Variants in ADCY9 observed in about 807,000 individuals in gnomAD.
The protein encoded by ADCY9 is adenylate cyclase type 9.
ADCY9 carries 50 observed loss-of-function variants against 101.5 expected under a neutral mutation model. That is an observed-to-expected ratio of 0.49 (90% CI 0.39 to 0.62). The LOEUF (loss-of-function observed/expected upper bound fraction) is 0.62. Among genes scored for constraint, ADCY9 ranks in the 20% least tolerant of loss-of-function variants. ADCY9 has a pLI of 0.00. For missense variants in ADCY9, 1,662 were observed against 1,800.4 expected (o/e 0.92, Z 1.39); for synonymous variants, 905 against 769.3 (o/e 1.18, Z -2.92).
intron 6 of ADCY9, 87 bp from the exon 7 acceptor site, chr16:3,983,527 C>T (rs894056260): frequency 1.4e-4 from 158 of 1,125,302 alleles, no homozygotes; most frequent in African/African-American, 2.5e-4. Context: ...GCAACACGTG[C>T]GGAGCACTGC....
chr16:4,005,366 G>A (rs1205735703), intron 3 of ADCY9, among the ~76,000 whole-genome samples: 2 of 152,230 alleles, frequency 1.3e-5, no homozygotes, highest in South Asian at 2.1e-4. Context: ...AGCTGGGACC[G>A]CAGGCACAGG....
chr16:4,092,168 G>A (rs2141190112), intron 2 of ADCY9, among the ~76,000 whole-genome samples: 1 of 152,306 alleles, frequency 6.6e-6, no homozygotes, highest in Non-Finnish European at 1.5e-5. Context: ...TACTTGGGAG[G>A]CTGAGGCACG....
intron 3 of ADCY9, among the ~76,000 whole-genome samples, chr16:4,005,268 G>A (rs1249834221): frequency 6.6e-6 from 1 of 152,158 alleles, no homozygotes; most frequent in African/African-American, 2.4e-5. Flanking sequence ...TCACTCTGTG[G>A]CCTAAGCTGG....
At chr16:4,067,975 T>G (rs1395422908) in intron 2 of ADCY9, among the ~76,000 whole-genome samples, 1 of 152,190 alleles carries the variant, frequency 6.6e-6, no homozygotes, top group East Asian at 1.9e-4. Context: ...GGAAAAACCG[T>G]GGCAATAATT....
Position 4,113,928 on chromosome 16 carries a change from A to T in ADCY9, c.1515T>A (p.Phe505Leu). 6.2e-7 allele frequency: 1 copy of T among 1,614,134 alleles called. No individual in the cohort carries two copies. The highest frequency in any genetic ancestry group is 8.5e-7 in the Non-Finnish European group (1 of 1,180,024). ...CATCGTTGGACCACACGTCAAATTT[A>T]AACCTCCTCATGCCCAGGATGCCGC... ...VLCGILGMRR[F>L]KFDVWSNDVN... The change falls in exon 2 of 11, where the codon TTT becomes TTA. Residue 505 changes from phenylalanine to leucine, a missense_variant. Transcript: ENST00000294016.
chr16:4,091,401 G>C (rs968101324), intron 2 of ADCY9, among the ~76,000 whole-genome samples: 6 of 152,102 alleles, frequency 3.9e-5, no homozygotes, highest in African/African-American at 1.4e-4. Context: ...AAGTGGCAGA[G>C]GTTTGTCAAA....
Position 4,084,766 on chromosome 16 carries a change from T to G in ADCY9, c.1693+28984A>C, listed in dbSNP as rs181003032. Among the ~76,000 whole-genome samples, 5 of 151,946 alleles carry G rather than the reference T, an allele frequency of 3.3e-5. No homozygotes were observed. The East Asian group carries it at 5.8e-4, about 18-fold the overall frequency. ...CAAACAAACAGGAAATGTGATAGAATCAGTGGCAATCTCTGTGTTTCTGTT... is the reference window on the plus strand; with the variant it reads ...CAAACAAACAGGAAATGTGATAGAAGCAGTGGCAATCTCTGTGTTTCTGTT... On this transcript the variant is annotated intron_variant, in intron 2 of 10. Transcript: ENST00000294016.
rs1185376823 is a variant in ADCY9, at chr16:3,965,277, C to T, written c.*498G>A. ...AGATTCATGAATGCAAGTGTGTGTG[C>T]GCATGTGTGCTTACATAGAGAGGTC... On this transcript the variant is annotated 3_prime_UTR_variant, in exon 11 of 11. Coordinates refer to ENST00000294016, the MANE Select transcript of ADCY9 (RefSeq NM_001116.4). 3 of 164,840 alleles carry T rather than the reference C, an allele frequency of 1.8e-5. No individual in the cohort carries two copies. Among genetic ancestry groups the T allele is most frequent in the East Asian group, 1.7e-4 (1 of 5,900 alleles). 10.2% of individuals were successfully genotyped at this position (164,840 alleles called of 1,614,324 possible). A position where few individuals can be genotyped will look rare whatever the true frequency, so the allele number is the denominator to read the frequency against.
intron 2 of ADCY9, among the ~76,000 whole-genome samples, chr16:4,059,395 G>GA (rs1169569443): frequency 1.6e-5 from 2 of 122,284 alleles, no homozygotes; most frequent in South Asian, 2.7e-4. Context: ...AAAAAAAAAA[G>GA]AAAAAAAAAG....
chr16:4,007,882 C>T (rs1257655798), intron 2 of ADCY9, among the ~76,000 whole-genome samples: 5 of 152,076 alleles, frequency 3.3e-5, no homozygotes, highest in Admixed American at 2.6e-4. Context: ...CCCGTGAAGG[C>T]AGCAAAGCAG....
chr16:4,072,080 G>A (rs933176776), intron 2 of ADCY9, among the ~76,000 whole-genome samples: 6 of 152,188 alleles, frequency 3.9e-5, no homozygotes, highest in Non-Finnish European at 7.3e-5. Context: ...GAAGACTGAA[G>A]ACGATTTAAA....
intron 2 of ADCY9, among the ~76,000 whole-genome samples, chr16:4,046,859 A>C (rs531653993): frequency 1.2e-3 from 185 of 152,108 alleles, no homozygotes; most frequent in Non-Finnish European, 2.0e-3. Context: ...TTTTTTTTTA[A>C]ATTATCCAAG....
intron 6 of ADCY9, among the ~76,000 whole-genome samples, chr16:3,985,066 C>T (rs1057365597): frequency 1.3e-5 from 2 of 151,700 alleles, no homozygotes; most frequent in Non-Finnish European, 2.9e-5. Context: ...CCCAAAAGGG[C>T]AAGTCAGGTC....
At chr16:4,071,026 G>A (rs2056830384) in intron 2 of ADCY9, among the ~76,000 whole-genome samples, 1 of 150,392 alleles carries the variant, frequency 6.6e-6, no homozygotes, top group South Asian at 2.1e-4. Context: ...AAAGAGGCGG[G>A]GTTACAAAGT....
In ADCY9 at chr16:3,969,571, T is replaced by TATATATAA. The variant is rs1474808877; in HGVS notation, c.2871-2606_2871-2605insTTATATAT. 2.1e-4 allele frequency among the ~76,000 whole-genome samples: 4 copies of TATATATAA among 19,202 alleles called. No homozygotes were observed. In the African/African-American group the frequency reaches 2.9e-3, roughly 14 times the overall value. 12.6% of individuals were successfully genotyped at this position (19,202 alleles called of 152,430 possible). ...ACAATTTCTTAAAGTTTGTTTGAAATATATATATATATATATATATATATA... is the reference window on the plus strand; with the variant it reads ...ACAATTTCTTAAAGTTTGTTTGAAATATATATAAATATATATATATATATATATATATA... On this transcript the variant is annotated intron_variant, in intron 10 of 10. Transcript: ENST00000294016.
At chr16:4,014,140 G>A (rs537406479) in intron 2 of ADCY9, among the ~76,000 whole-genome samples, 5 of 152,154 alleles carry the variant, frequency 3.3e-5, no homozygotes, top group Admixed American at 1.3e-4. Context: ...CCAACATGGC[G>A]AAATCCCGTC....
chr16:3,970,583 C>A (rs1244033490), intron 10 of ADCY9, among the ~76,000 whole-genome samples: 1 of 152,244 alleles, frequency 6.6e-6, no homozygotes, highest in Non-Finnish European at 1.5e-5. Context: ...CCGCCTTGGC[C>A]TCCCAAAGTG....
intron 2 of ADCY9, among the ~76,000 whole-genome samples, chr16:4,049,000 T>C (rs8054483): frequency 0.085 from 12,963 of 152,152 alleles, 1,450 homozygotes; most frequent in African/African-American, 0.25. Context: ...GGGTCAGTCA[T>C]GGTATCAGGA....
rs565592738 is a variant in ADCY9, at chr16:3,997,192, G to A, written c.1885-3682C>T. 2.6e-3 allele frequency among the ~76,000 whole-genome samples: 391 copies of A among 152,278 alleles called. 1 individual carries two copies. Among genetic ancestry groups the A allele is most frequent in the African/African-American group, 3.5e-3 (147 of 41,564 alleles). On this transcript the variant is annotated intron_variant, in intron 3 of 10. Transcript: ENST00000294016. ...CCCTCCTGTGCTTTAAGACGAGGCC[G>A]CCTGCTTCTTCAGTGCCCCCCACGG... is the stretch of plus-strand genomic sequence containing the variant.
Sources: allele counts gnomAD v4.1 joint callset (sites outside exome capture counted in the v4.1 genomes callset), GRCh38; gene constraint gnomAD v4.1.1; transcripts MANE v1.5; gene names NCBI Gene and HGNC (gene_info 2026-07-23, HGNC 2026-07-21).